Variants in TRAPPC8 observed in about 807,000 individuals in gnomAD.
TRAPPC8 encodes trafficking protein particle complex subunit 8, also known as general sporulation gene 1 homolog.
TRAPPC8 carries 54 observed loss-of-function variants against 174.3 expected under a neutral mutation model. The ratio of observed to expected loss-of-function variants is 0.31; its 90% CI spans 0.25 to 0.39. The LOEUF is 0.39. TRAPPC8 is among the 10% of genes least tolerant of loss of function. The pLI is 1.00. For missense variants in TRAPPC8, 1,531 were observed against 1,699.1 expected (o/e 0.90, Z 1.74); for synonymous variants, 630 against 579.9 (o/e 1.09, Z -1.24).
chr18:31,908,075 A>G (rs568083228), intron 8 of TRAPPC8, among the ~76,000 whole-genome samples: 1 of 152,352 alleles, frequency 6.6e-6, no homozygotes, highest in African/African-American at 2.4e-5. Context: ...TGTTTTACAA[A>G]TAAGGAAACA....
At chr18:31,847,444 T>C (rs1369507686) in intron 25 of TRAPPC8, among the ~76,000 whole-genome samples, 2 of 152,226 alleles carry the variant, frequency 1.3e-5, no homozygotes, top group Non-Finnish European at 2.9e-5. Context: ...ATTATCACAT[T>C]ATGTGCAAAC....
chr18:31,935,284 T>C (rs1351841765), intron 1 of TRAPPC8, among the ~76,000 whole-genome samples: 5 of 142,514 alleles, frequency 3.5e-5, no homozygotes, highest in Non-Finnish European at 7.5e-5. Flanking sequence ...GAGGTTGCAG[T>C]GAGCCGAGAT....
chr18:31,922,315 G>A (rs1351118267), intron 2 of TRAPPC8, among the ~76,000 whole-genome samples: 3 of 152,202 alleles, frequency 2.0e-5, no homozygotes, highest in African/African-American at 7.2e-5. Flanking sequence ...GCTTGTGGCT[G>A]GGCGTGGTGG....
intron 2 of TRAPPC8, among the ~76,000 whole-genome samples, chr18:31,919,737 T>C (rs1027899794): frequency 1.6e-3 from 248 of 151,836 alleles, no homozygotes; most frequent in African/African-American, 5.8e-3. Context: ...GATGCATGCC[T>C]GTAGTCCCAG....
chr18:31,872,014 T>C (rs2034889411), intron 14 of TRAPPC8, among the ~76,000 whole-genome samples: 1 of 152,156 alleles, frequency 6.6e-6, no homozygotes, highest in Admixed American at 6.6e-5. Flanking sequence ...GTACAAGTTA[T>C]GTTTTGTTAT....
rs576265033 is a variant in TRAPPC8, at chr18:31,909,210, C to G, written c.866-200G>C. On this transcript the variant is annotated intron_variant, in intron 6 of 28. Transcript: ENST00000283351. ...GCTTGAGTTAATATTTGTTTTGGTA[C>G]CTGTATTAGTAATTTGAAAATCGGT... 5.9e-5 allele frequency among the ~76,000 whole-genome samples: 9 copies of G among 151,914 alleles called. No homozygotes were observed. In the East Asian group the frequency reaches 1.5e-3, roughly 26 times the overall value.
intron 14 of TRAPPC8, among the ~76,000 whole-genome samples, chr18:31,872,642 A>G (rs1400597256): frequency 6.6e-6 from 1 of 152,038 alleles, no homozygotes; most frequent in East Asian, 1.9e-4. Flanking sequence ...GATGGTCTCA[A>G]TCTCTTGACC....
intron 9 of TRAPPC8, among the ~76,000 whole-genome samples, chr18:31,905,653 A>G (rs561240168): frequency 6.6e-6 from 1 of 152,330 alleles, no homozygotes; most frequent in East Asian, 1.9e-4. Flanking sequence ...GGTTACAAAG[A>G]TGAATAGGTT....
Position 31,841,740 on chromosome 18 carries a change from A to G in TRAPPC8, c.3838-2283T>C, listed in dbSNP as rs1169163412. Among the ~76,000 whole-genome samples the G allele has an allele frequency of 3.9e-5, 6 of 152,306 alleles. No homozygotes were observed. The East Asian group carries it at 1.2e-3, about 29-fold the overall frequency. ...TTCTACCTATACCTCACAGGGTTGT[A>G]ATTTTAAGTACTGATGTGAACCAAC... On this transcript the variant is annotated intron_variant, in intron 26 of 28. Coordinates refer to ENST00000283351, the MANE Select transcript of TRAPPC8 (RefSeq NM_014939.5).
chr18:31,903,115 T>TGCGC (rs147772438), intron 9 of TRAPPC8, among the ~76,000 whole-genome samples: 5 of 90,028 alleles, frequency 5.6e-5, no homozygotes, highest in Non-Finnish European at 1.2e-4. Flanking sequence ...CGCGCGTGCG[T>TGCGC]GCGTGCGTGT....
At chr18:31,916,130 A>C in intron 4 of TRAPPC8, 142 bp downstream of exon 4, 1 of 564,462 alleles carries the variant, frequency 1.8e-6, no homozygotes, top group Admixed American at 4.1e-5. Flanking sequence ...TAAAACATAA[A>C]GTTAAATGCT....
intron 1 of TRAPPC8, among the ~76,000 whole-genome samples, chr18:31,933,476 A>C (rs1392900709): frequency 6.6e-6 from 1 of 152,160 alleles, no homozygotes; most frequent in African/African-American, 2.4e-5. Context: ...ACTTCACGGG[A>C]TCATTTTAGT....
chr18:31,928,336 T>TACAC (rs34570497), intron 2 of TRAPPC8, among the ~76,000 whole-genome samples: 28,412 of 142,722 alleles, frequency 0.2, 3,509 homozygotes, highest in Admixed American at 0.37. Context: ...ACCTTATCTC[T>TACAC]ACACACACAC....
At chr18:31,931,225 A>G in intron 2 of TRAPPC8, 104 bp downstream of exon 2, 1 of 1,085,862 alleles carries the variant, frequency 9.2e-7, no homozygotes, top group South Asian at 2.3e-5. Flanking sequence ...CCTAGCACTT[A>G]GTAAACTCTT....
At chr18:31,882,163 C>T (rs2035486892) in intron 12 of TRAPPC8, among the ~76,000 whole-genome samples, 1 of 152,146 alleles carries the variant, frequency 6.6e-6, no homozygotes, top group Non-Finnish European at 1.5e-5. Context: ...TTATGTTCAT[C>T]ACAGCACTAT....
Position 31,830,461 on chromosome 18 carries a change from A to T in TRAPPC8, c.*294T>A, listed in dbSNP as rs1260401554. 3.2e-6 allele frequency: 1 copy of T among 309,124 alleles called. No homozygotes were observed. Among genetic ancestry groups the T allele is most frequent in the South Asian group, 6.1e-5 (1 of 16,412 alleles). 19.1% of individuals were successfully genotyped at this position (309,124 alleles called of 1,614,324 possible). Reference sequence around the variant, plus strand: ...TATACCATTGACAAGTTGTAACAGCAGACTTAGACTTTGTGTTTTCTTAAG... The same window carrying T: ...TATACCATTGACAAGTTGTAACAGCTGACTTAGACTTTGTGTTTTCTTAAG... On this transcript the variant is annotated 3_prime_UTR_variant, in exon 29 of 29. Transcript: ENST00000283351.
At chr18:31,915,038 A>C (rs757885380) in intron 4 of TRAPPC8, among the ~76,000 whole-genome samples, 1 of 152,258 alleles carries the variant, frequency 6.6e-6, no homozygotes, top group Non-Finnish European at 1.5e-5. Flanking sequence ...GGGAAGCAGA[A>C]AAGAACAAAG....
rs760498067 is a variant in TRAPPC8 at position 31,897,789 on chromosome 18, A to C, written c.1593T>G (p.Ser531Arg). 2.5e-6 allele frequency: 4 copies of C among 1,593,022 alleles called. No homozygotes were observed. The African/African-American group carries it at 5.4e-5, about 21-fold the overall frequency. The change falls in exon 11 of 29, where the codon AGT becomes AGG. Residue 531 changes from serine (S) to arginine (R), a missense_variant. By Grantham distance (110) the Ser-to-Arg change is moderately radical. Coordinates refer to ENST00000283351, the MANE Select transcript of TRAPPC8 (RefSeq NM_014939.5). Reference protein sequence around the residue: ...EAAALLIRLTSEDSDLRSALL... With the variant: ...EAAALLIRLTREDSDLRSALL... ...AAATACTACACAGTTTCAGTACCTC[A>C]CTGGTCAACCGTATTAGGAGAGCTG...
chr18:31,894,229 G>T (rs1298105614), intron 11 of TRAPPC8, among the ~76,000 whole-genome samples: 1 of 152,118 alleles, frequency 6.6e-6, no homozygotes, highest in African/African-American at 2.4e-5. Flanking sequence ...TTCTTCATTG[G>T]ACCCTGACTC....
Sources: allele counts gnomAD v4.1 joint callset (sites outside exome capture counted in the v4.1 genomes callset), GRCh38; gene constraint gnomAD v4.1.1; transcripts MANE v1.5; gene names NCBI Gene and HGNC (gene_info 2026-07-23, HGNC 2026-07-21).